The following NCAM2 variants were observed in gnomAD, a reference collection of about 807,000 sequenced individuals.
The protein encoded by NCAM2 is neural cell adhesion molecule 2.
Under a neutral mutation model 98.1 loss-of-function variants are expected in NCAM2, and 30 were observed. That is an observed-to-expected ratio of 0.31 (90% CI 0.23 to 0.41). The LOEUF (loss-of-function observed/expected upper bound fraction) is 0.41, where lower values mean the gene tolerates loss of function less well. NCAM2 is among the 10% of genes least tolerant of loss of function. The pLI, the probability that NCAM2 is intolerant of heterozygous loss-of-function variation, is 1.00. For synonymous variants in NCAM2, 368 were observed against 342.4 expected, an observed-to-expected ratio of 1.07 and a Z score of -0.83; for missense variants, 867 against 1,005.8, an observed-to-expected ratio of 0.86 and a Z score of 1.87.
chr21:21,044,557 CAATT>C (rs2064971270), intron 1 of NCAM2, among the ~76,000 whole-genome samples: 1 of 151,914 alleles, frequency 6.6e-6, no homozygotes, highest in Non-Finnish European at 1.5e-5. Flanking sequence ...TCTGCCCAGA[CAATT>C]AAGATTTTTA....
rs542397711 is a variant in NCAM2, at chr21:21,001,305, A to T, written c.55+2687A>T. ...GTACAGTAGTAAGACGCTTTTTTTT[A>T]TTGTAGCAGAAATACTCCTTTAAAA... On this transcript the variant is annotated intron_variant, in intron 1 of 17. Transcript: ENST00000400546. Among the ~76,000 whole-genome samples, 3 of 152,216 alleles carry T rather than the reference A, an allele frequency of 2.0e-5. No homozygotes were observed. In the South Asian group the frequency reaches 6.2e-4, roughly 32 times the overall value.
chr21:21,413,864 A>C (rs1217451905), intron 10 of NCAM2, among the ~76,000 whole-genome samples: 1 of 152,184 alleles, frequency 6.6e-6, no homozygotes, highest in Non-Finnish European at 1.5e-5. Flanking sequence ...TTGTTAATTA[A>C]CACTTCCTTT....
chr21:21,433,155 A>G (rs2077381287), intron 12 of NCAM2, among the ~76,000 whole-genome samples: 2 of 152,244 alleles, frequency 1.3e-5, no homozygotes, highest in African/African-American at 2.4e-5. Flanking sequence ...TGCACTGAGC[A>G]TAACTATGGG....
chr21:21,331,825 G>T (rs2074717123), intron 6 of NCAM2, among the ~76,000 whole-genome samples: 1 of 148,788 alleles, frequency 6.7e-6, no homozygotes, highest in Non-Finnish European at 1.5e-5. Context: ...GACCTCTGGT[G>T]ATCCATCTGC....
intron 1 of NCAM2, among the ~76,000 whole-genome samples, chr21:21,114,733 C>T (rs993324112): frequency 4.6e-5 from 7 of 152,146 alleles, no homozygotes; most frequent in Non-Finnish European, 8.8e-5. Flanking sequence ...TCAGGGCTTC[C>T]CAGAGCTTCT....
chr21:21,394,708 C>T (rs1015449880), intron 9 of NCAM2, among the ~76,000 whole-genome samples: 7 of 151,500 alleles, frequency 4.6e-5, no homozygotes, highest in Non-Finnish European at 7.4e-5. Context: ...AGGATGGTCT[C>T]GATCTCCTGA....
chr21:21,357,468 C>G (rs923369319), intron 8 of NCAM2, among the ~76,000 whole-genome samples: 17 of 151,844 alleles, frequency 1.1e-4, no homozygotes, highest in Non-Finnish European at 2.2e-4. Context: ...AAAAGGAAAC[C>G]AACAAATCCA....
At chr21:21,488,533 A>C (rs999574009) in intron 15 of NCAM2, among the ~76,000 whole-genome samples, 1 of 152,036 alleles carries the variant, frequency 6.6e-6, no homozygotes, top group South Asian at 2.1e-4. Context: ...ATGGAGAAAT[A>C]AAACCTTAAA....
chr21:21,244,676 GTC>G (rs2071193291), intron 1 of NCAM2, among the ~76,000 whole-genome samples: 1 of 151,702 alleles, frequency 6.6e-6, no homozygotes, highest in South Asian at 2.1e-4. Flanking sequence ...ATGAAACCCT[GTC>G]TCTACTAAAA....
rs1341483987 is a variant in NCAM2 at position 21,541,839 on chromosome 21, CTCATAA to C, written c.*3887_*3892del. 3.3e-5 allele frequency: 5 copies of C among 151,704 alleles called. No homozygotes were observed. The South Asian group carries it at 6.2e-4, about 19-fold the overall frequency. 9.4% of individuals were successfully genotyped at this position (151,704 alleles called of 1,614,324 possible). Reference sequence around the variant, plus strand: ...CCCATGAAGTTTTTTCATGCTCATACTCATAATCATTATCACATAATGTGCTTATTC... The same window carrying C: ...CCCATGAAGTTTTTTCATGCTCATACTCATTATCACATAATGTGCTTATTC... On this transcript the variant is annotated 3_prime_UTR_variant, in exon 18 of 18. Coordinates refer to ENST00000400546, the MANE Select transcript of NCAM2 (RefSeq NM_004540.5).
chr21:21,525,467 G>A (rs975489774), intron 16 of NCAM2, among the ~76,000 whole-genome samples: 23 of 152,042 alleles, frequency 1.5e-4, no homozygotes, highest in African/African-American at 5.3e-4. Flanking sequence ...ATGTCACAAA[G>A]GAAGAAGCAA....
intron 16 of NCAM2, among the ~76,000 whole-genome samples, chr21:21,531,826 CAA>C (rs71696380): frequency 5.4e-5 from 7 of 130,532 alleles, no homozygotes; most frequent in Non-Finnish European, 6.5e-5. Context: ...TAAAAAATAC[CAA>C]AAAAAAAAAA....
chr21:21,428,265 G>A (rs1244649349), intron 11 of NCAM2, among the ~76,000 whole-genome samples: 1 of 152,142 alleles, frequency 6.6e-6, no homozygotes, highest in Non-Finnish European at 1.5e-5. Flanking sequence ...TGGTAACAAT[G>A]AAGGAATAAT....
At chr21:21,107,917 A>G (rs918662629) in intron 1 of NCAM2, among the ~76,000 whole-genome samples, 2 of 152,100 alleles carry the variant, frequency 1.3e-5, no homozygotes, top group African/African-American at 4.8e-5. Flanking sequence ...GCTTATTTAT[A>G]AAGTACCAGT....
chr21:21,346,832 A>C (rs1480137580), intron 8 of NCAM2, among the ~76,000 whole-genome samples: 1 of 151,992 alleles, frequency 6.6e-6, no homozygotes, highest in Non-Finnish European at 1.5e-5. Flanking sequence ...AACAAATGAT[A>C]ATGGAAGCAC....
intron 1 of NCAM2, among the ~76,000 whole-genome samples, chr21:21,056,997 A>T (rs1448257089): frequency 6.6e-6 from 1 of 152,044 alleles, no homozygotes; most frequent in Admixed American, 6.6e-5. Context: ...TTTTATTATA[A>T]AAAATCCTAC....
chr21:21,467,056 C>G (rs939188709), intron 13 of NCAM2, among the ~76,000 whole-genome samples: 3 of 151,850 alleles, frequency 2.0e-5, no homozygotes, highest in Non-Finnish European at 4.4e-5. Context: ...AGAAAAATGT[C>G]TATGTAACAT....
chr21:21,348,371 A>G (rs1411327122), intron 8 of NCAM2, among the ~76,000 whole-genome samples: 1 of 152,128 alleles, frequency 6.6e-6, no homozygotes, highest in Admixed American at 6.5e-5. Context: ...CATGAAATTA[A>G]ATACCTAGGA....
intron 1 of NCAM2, among the ~76,000 whole-genome samples, chr21:21,035,693 A>T (rs1025020566): frequency 6.6e-6 from 1 of 152,136 alleles, no homozygotes; most frequent in African/African-American, 2.4e-5. Flanking sequence ...CTTGTCAGAA[A>T]CTGTATTTAA....
Sources: gnomAD v4.1 joint callset for allele counts (sites outside exome capture counted in the v4.1 genomes callset) on GRCh38, gnomAD v4.1.1 for gene constraint, MANE v1.5 for transcripts, NCBI Gene and HGNC (gene_info 2026-07-23, HGNC 2026-07-21) for gene names.